The following LMO4 variants were observed in gnomAD, a reference collection of about 807,000 sequenced individuals.
The protein encoded by LMO4 is LIM domain only 4.
In LMO4, 3 loss-of-function variants were observed where a neutral mutation model predicts 18.5. The observed-to-expected ratio is 0.16, with a 90% CI of 0.07 to 0.42. The LOEUF is 0.42. Among genes scored for constraint, LMO4 ranks in the 10% least tolerant of loss-of-function variants. The pLI, the probability that LMO4 is intolerant of heterozygous loss-of-function variation, is 0.99. For synonymous variants in LMO4, 100 were observed against 88.1 expected, an observed-to-expected ratio of 1.14 and a Z score of -0.76; for missense variants, 121 against 219.9, an observed-to-expected ratio of 0.55 and a Z score of 2.84.
intron 2 of LMO4, among the ~76,000 whole-genome samples, chr1:87,334,963 T>A (rs1650259462): frequency 6.8e-6 from 1 of 146,074 alleles, no homozygotes; most frequent in Non-Finnish European, 1.5e-5. Context: ...GTGTCCGCAA[T>A]GAATGAGAGC....
Position 87,328,998 on chromosome 1 carries a change from C to T in LMO4, c.-250C>T, listed in dbSNP as rs1236684799. ...AGGCGGAGAAGGACGAAGACTGAGACTGACACTTCTGCTCCCGGCCGCCCG... is the reference window on the plus strand; with the variant it reads ...AGGCGGAGAAGGACGAAGACTGAGATTGACACTTCTGCTCCCGGCCGCCCG... On this transcript the variant is annotated 5_prime_UTR_variant, in exon 1 of 5. Transcript: ENST00000370544. The T allele has an allele frequency of 6.6e-6, 1 of 151,242 alleles. No homozygotes were observed. The highest frequency in any genetic ancestry group is 2.4e-5 in the African/African-American group (1 of 41,108). 9.4% of individuals were successfully genotyped at this position (151,242 alleles called of 1,614,324 possible).
At chr1:87,332,585 G>C (rs1171055525) in intron 2 of LMO4, among the ~76,000 whole-genome samples, 1 of 152,244 alleles carries the variant, frequency 6.6e-6, no homozygotes, top group Non-Finnish European at 1.5e-5. Flanking sequence ...TCCCAAGCGG[G>C]AGTTAAGCTG....
rs779836389 is a variant in LMO4 at position 87,347,385 on chromosome 1, C to T, written c.*2589C>T. On this transcript the variant is annotated 3_prime_UTR_variant, in exon 5 of 5. Transcript: ENST00000370544. The stretch of plus-strand genomic sequence containing the variant: ...GATGCTCTGTGTGGATAGAAAGCTA[C>T]TAAAAACACTCAGGTTTATTCTGAT... 1.8e-4 allele frequency: 27 copies of T among 152,166 alleles called. No homozygotes were observed. The highest frequency in any genetic ancestry group is 3.4e-4 in the Non-Finnish European group (23 of 68,000). 9.4% of individuals were successfully genotyped at this position (152,166 alleles called of 1,614,324 possible).
At chr1:87,331,006 A>G (rs903512313) in intron 1 of LMO4, among the ~76,000 whole-genome samples, 6 of 127,014 alleles carry the variant, frequency 4.7e-5, no homozygotes, top group African/African-American at 1.2e-4. Flanking sequence ...ACGGGCTCGA[A>G]TTTAACTTGT....
chr1:87,331,970 C>T (rs756304040), intron 1 of LMO4, 43 bp from the exon 2 acceptor site: 3 of 1,499,584 alleles, frequency 2.0e-6, no homozygotes, highest in African/African-American at 1.4e-5. Context: ...TGCATCGCCC[C>T]TGTTTTGTCT....
At chr1:87,329,983 C>T (rs1391793731) in intron 1 of LMO4, among the ~76,000 whole-genome samples, 1 of 151,202 alleles carries the variant, frequency 6.6e-6, no homozygotes, top group Non-Finnish European at 1.5e-5. Context: ...AGAGTATAAG[C>T]CTATTTAACT....
In LMO4 at chr1:87,348,181, T is replaced by C. The variant is rs1305395024; in HGVS notation, c.*3385T>C. The C allele has an allele frequency of 6.5e-6, 1 of 153,254 alleles. No homozygotes were observed. Among genetic ancestry groups the C allele is most frequent in the Non-Finnish European group, 1.5e-5 (1 of 68,768 alleles). The allele number at this position is 153,254 out of a possible 1,614,324, so 9.5% of individuals were successfully genotyped here. ...GTGAACCCAAGAGCTACATATGGAG[T>C]CTAGTGAAGAGTTCCCATGTAGCCT... On this transcript the variant is annotated 3_prime_UTR_variant, in exon 5 of 5. Transcript: ENST00000370544.
chr1:87,335,952 CAG>C (rs1325515500), intron 2 of LMO4, among the ~76,000 whole-genome samples: 3 of 150,796 alleles, frequency 2.0e-5, no homozygotes, highest in Admixed American at 2.0e-4. Flanking sequence ...TTTGTCATAA[CAG>C]AATTAATTCA....
At chr1:87,330,787 T>C (rs1458149232) in intron 1 of LMO4, among the ~76,000 whole-genome samples, 1 of 152,314 alleles carries the variant, frequency 6.6e-6, no homozygotes, top group East Asian at 1.9e-4. Context: ...TACAGGCTGC[T>C]TAATTGGCAG....
rs906690065 is a variant in LMO4, at chr1:87,329,233, G to C, written c.-15G>C. The C allele has an allele frequency of 4.6e-5, 7 of 152,418 alleles. No individual in the cohort carries two copies. The highest frequency in any genetic ancestry group is 1.3e-4 in the Admixed American group (2 of 15,274). 9.4% of individuals were successfully genotyped at this position (152,418 alleles called of 1,614,324 possible). A position where few individuals can be genotyped will look rare whatever the true frequency, so the allele number is the denominator to read the frequency against. The stretch of plus-strand genomic sequence containing the variant: ...CCGCCTCTCGCAATATTGCAATATA[G>C]GGGAAAAGCAGGTAAGGGGGCGGGT... On this transcript the variant is annotated 5_prime_UTR_variant, in exon 1 of 5. Coordinates refer to ENST00000370544, the MANE Select transcript of LMO4 (RefSeq NM_006769.4).
At chr1:87,335,160 C>A (rs1487437214) in intron 2 of LMO4, among the ~76,000 whole-genome samples, 1 of 152,174 alleles carries the variant, frequency 6.6e-6, no homozygotes, top group African/African-American at 2.4e-5. Context: ...CCCCGGCTCC[C>A]GACCCCTCAG....
intron 4 of LMO4, among the ~76,000 whole-genome samples, chr1:87,342,409 T>G (rs1265062601): frequency 6.6e-6 from 1 of 152,182 alleles, no homozygotes; most frequent in Non-Finnish European, 1.5e-5. Flanking sequence ...TGCCTTTCAT[T>G]GAAATCTGTT....
Position 87,347,313 on chromosome 1 carries a change from T to C in LMO4, c.*2517T>C, listed in dbSNP as rs1650662390. 1 of 152,164 alleles carries C rather than the reference T, an allele frequency of 6.6e-6. No homozygotes were observed. The allele number at this position is 152,164 out of a possible 1,614,324, so 9.4% of individuals were successfully genotyped here. ...TAGTCTTGCTTTAGGTAAAACACTT[T>C]CTTGAAACCAGAGGCATTTCAAACA... is the stretch of plus-strand genomic sequence containing the variant. On this transcript the variant is annotated 3_prime_UTR_variant, in exon 5 of 5. Coordinates refer to ENST00000370544, the MANE Select transcript of LMO4 (RefSeq NM_006769.4).
At chr1:87,344,641 A>G (rs1570270277) in intron 4 of LMO4, 147 bp from the exon 5 acceptor site, 1 of 757,728 alleles carries the variant, frequency 1.3e-6, no homozygotes, top group Non-Finnish European at 2.3e-6. Flanking sequence ...AGTAAGTAGC[A>G]TAGAAAGCCT....
chr1:87,344,926 CT>C lies in LMO4; in HGVS notation c.*133del. 1.2e-6 allele frequency: 1 copy of C among 841,010 alleles called. No homozygotes were observed. The highest frequency in any genetic ancestry group is 2.1e-5 in the Admixed American group (1 of 47,532). The allele number at this position is 841,010 out of a possible 1,614,324, so 52.1% of individuals were successfully genotyped here. A position where few individuals can be genotyped will look rare whatever the true frequency, so the allele number is the denominator to read the frequency against. ...TGCCAGCTCCATGCCATTGCACCTTCTTTAGTCTTGATTGCCCTTCCCGCAT... is the reference window on the plus strand; with the variant it reads ...TGCCAGCTCCATGCCATTGCACCTTCTTAGTCTTGATTGCCCTTCCCGCAT... On this transcript the variant is annotated 3_prime_UTR_variant, in exon 5 of 5. Transcript: ENST00000370544.
rs1317234869 is a variant in LMO4 at position 87,346,124 on chromosome 1, C to T, written c.*1328C>T. 1.3e-5 allele frequency: 2 copies of T among 152,158 alleles called. No individual in the cohort carries two copies. Among genetic ancestry groups the T allele is most frequent in the Non-Finnish European group, 2.9e-5 (2 of 68,040 alleles). 9.4% of individuals were successfully genotyped at this position (152,158 alleles called of 1,614,324 possible). A position where few individuals can be genotyped will look rare whatever the true frequency, so the allele number is the denominator to read the frequency against. On this transcript the variant is annotated 3_prime_UTR_variant, in exon 5 of 5. Transcript: ENST00000370544. ...TGGTGAAGTAGCCATTTCCTGGTGA[C>T]CCTTAGGCTCGTGTGGTTGGCTGTA...
In LMO4 at chr1:87,347,303, T is replaced by C. The variant is rs1480874103; in HGVS notation, c.*2507T>C. ...ATTTAAGTAGTAGTCTTGCTTTAGG[T>C]AAAACACTTTCTTGAAACCAGAGGC... On this transcript the variant is annotated 3_prime_UTR_variant, in exon 5 of 5. Coordinates refer to ENST00000370544, the MANE Select transcript of LMO4 (RefSeq NM_006769.4). The C allele has an allele frequency of 1.3e-5, 2 of 152,172 alleles. No homozygotes were observed. Among genetic ancestry groups the C allele is most frequent in the Admixed American group, 6.5e-5 (1 of 15,278 alleles). The allele number at this position is 152,172 out of a possible 1,614,324, so 9.4% of individuals were successfully genotyped here. A position where few individuals can be genotyped will look rare whatever the true frequency, so the allele number is the denominator to read the frequency against.
rs78129995 is a variant in LMO4, at chr1:87,332,065, C to G, written c.50C>G (p.Ser17Cys). The change falls in exon 2 of 5, where the codon TCC (serine) becomes TGC (cysteine). Residue 17 changes from serine (S) to cysteine (C), a missense_variant. Physicochemically the swap from Ser to Cys is moderately radical, Grantham distance 112. This residue lies in a region of LMO4 where 51 missense variants were observed against 56.8 expected (regional missense o/e 0.90). Transcript: ENST00000370544. ...CAGCCGCCCCCGGTGACGGCCGGCT[C>G]CCTCTCCTGGAAGCGGTGCGCAGGC... Reference protein sequence around the residue: ...SSQPPPVTAGSLSWKRCAGCG... With the variant: ...SSQPPPVTAGCLSWKRCAGCG... 1,306 of 1,613,680 alleles carry G rather than the reference C, an allele frequency of 8.1e-4. No individual in the cohort carries two copies. The highest frequency in any genetic ancestry group is 1.0e-3 in the Non-Finnish European group (1,191 of 1,179,996).
rs544949784 is a variant in LMO4 at position 87,328,996 on chromosome 1, G to T, written c.-252G>T. 1 of 151,334 alleles carries T rather than the reference G, an allele frequency of 6.6e-6. No homozygotes were observed. Among genetic ancestry groups the T allele is most frequent in the South Asian group, 2.1e-4 (1 of 4,794 alleles). The allele number at this position is 151,334 out of a possible 1,614,324, so 9.4% of individuals were successfully genotyped here. A position where few individuals can be genotyped will look rare whatever the true frequency, so the allele number is the denominator to read the frequency against. On this transcript the variant is annotated 5_prime_UTR_variant, in exon 1 of 5. Coordinates refer to ENST00000370544, the MANE Select transcript of LMO4 (RefSeq NM_006769.4). The stretch of plus-strand genomic sequence containing the variant: ...GGAGGCGGAGAAGGACGAAGACTGA[G>T]ACTGACACTTCTGCTCCCGGCCGCC...
Sources: gnomAD v4.1 joint callset for allele counts (sites outside exome capture counted in the v4.1 genomes callset) on GRCh38, gnomAD v4.1.1 for gene constraint, gnomAD v4.1.1 regional missense constraint, MANE v1.5 for transcripts, NCBI Gene and HGNC (gene_info 2026-07-23, HGNC 2026-07-21) for gene names.